Variants in ZNF277 observed in about 807,000 individuals in gnomAD.
The protein encoded by ZNF277 is zinc finger protein 277, also known as nuclear receptor-interacting factor 4.
Under a neutral mutation model 60.7 loss-of-function variants are expected in ZNF277, and 55 were observed. The observed-to-expected ratio is 0.91, with a 90% CI of 0.73 to 1.13. ZNF277 has a LOEUF of 1.13. Ranked by LOEUF, ZNF277 falls within the 50% of genes most tolerant of loss-of-function variation. ZNF277 has a pLI of 0.00. For missense variants in ZNF277, 510 were observed against 523.0 expected (o/e 0.98, Z 0.24); for synonymous variants, 178 against 179.3 (o/e 0.99, Z 0.06).
chr7:112,311,238 T>A (rs1430579093), intron 4 of ZNF277, among the ~76,000 whole-genome samples: 1 of 152,144 alleles, frequency 6.6e-6, no homozygotes, highest in African/African-American at 2.4e-5. Flanking sequence ...AGCTTATGAA[T>A]AAAGATGAAA....
At chr7:112,296,915 T>TTA in intron 4 of ZNF277, among the ~76,000 whole-genome samples, 1 of 49,704 alleles carries the variant, frequency 2.0e-5, no homozygotes, top group African/African-American at 6.9e-5. Flanking sequence ...TTTATTTATT[T>TTA]TTTTTTTTTT....
Position 112,309,186 on chromosome 7 carries a change from C to A in ZNF277, c.466-8996C>A, listed in dbSNP as rs1312822300. Among the ~76,000 whole-genome samples, 5 of 151,922 alleles carry A rather than the reference C, an allele frequency of 3.3e-5. 1 individual carries two copies. Among genetic ancestry groups the A allele is most frequent in the Admixed American group, 6.6e-5 (1 of 15,240 alleles). On this transcript the variant is annotated intron_variant, in intron 4 of 11. Transcript: ENST00000361822. ...GTTCTGAACCCCATCGCTGACTATG[C>A]AGTTTTTACAAGAGTCAACCCAAAT...
At chr7:112,309,453 G>T (rs1316867106) in intron 4 of ZNF277, among the ~76,000 whole-genome samples, 2 of 151,898 alleles carry the variant, frequency 1.3e-5, no homozygotes. Flanking sequence ...GAGACAAGAA[G>T]TATCTGTACT....
At chr7:112,288,370 C>G (rs1188605255) in intron 2 of ZNF277, 5 of 152,204 alleles carry the variant, frequency 3.3e-5, no homozygotes, top group Non-Finnish European at 7.3e-5. Flanking sequence ...AACTCTGTTT[C>G]TCCCAGGCCA....
At position 112,295,948 on chromosome 7, in the gene ZNF277, G is replaced by T. The variant is rs567027786; in HGVS notation, c.373G>T (p.Ala125Ser). 467 of 1,609,372 alleles carry T rather than the reference G, an allele frequency of 2.9e-4. 3 individuals are homozygous for T. In the South Asian group the frequency reaches 5.0e-3, roughly 17 times the overall value. ...FCSVIRINSTAPFEEQENYFL... is the reference protein window; with the variant it reads ...FCSVIRINSTSPFEEQENYFL... ...TAGTGTAATAAGAATTAATTCCACT[G>T]CTCCATTTGGTAAGTGTACATCTTG... Residue 125 changes from alanine to serine, a missense_variant, in exon 3 of 12, where the codon GCT (alanine) becomes TCT (serine). Physicochemically the swap from Ala to Ser is moderately conservative, Grantham distance 99. Coordinates refer to ENST00000361822, the MANE Select transcript of ZNF277 (RefSeq NM_021994.3).
chr7:112,308,978 G>A (rs1195072771), intron 4 of ZNF277, among the ~76,000 whole-genome samples: 2 of 151,986 alleles, frequency 1.3e-5, no homozygotes, highest in African/African-American at 2.4e-5. Context: ...ATATCTATTT[G>A]TTCAGATTCT....
chr7:112,291,716 C>T (rs1003729034), intron 2 of ZNF277, among the ~76,000 whole-genome samples: 12 of 152,022 alleles, frequency 7.9e-5, no homozygotes, highest in East Asian at 1.9e-4. Flanking sequence ...CCATACCATC[C>T]GAAAGGAAAT....
intron 5 of ZNF277, among the ~76,000 whole-genome samples, chr7:112,322,576 T>C (rs1203336563): frequency 1.3e-5 from 2 of 152,108 alleles, no homozygotes; most frequent in Admixed American, 6.5e-5. Context: ...ATAATTTATA[T>C]CTTTTTATTG....
intron 11 of ZNF277, among the ~76,000 whole-genome samples, chr7:112,342,238 C>T (rs915809237): frequency 3.9e-5 from 6 of 152,060 alleles, no homozygotes; most frequent in Admixed American, 6.6e-5. Flanking sequence ...CAGCTACCTT[C>T]GAAGATAGTG....
intron 1 of ZNF277, among the ~76,000 whole-genome samples, chr7:112,280,813 A>G (rs1013179212): frequency 2.6e-5 from 4 of 152,022 alleles, no homozygotes; most frequent in African/African-American, 9.7e-5. Context: ...TTTGTAGTGG[A>G]GATGGGGTTT....
At chr7:112,289,529 C>A (rs1163160449) in intron 2 of ZNF277, among the ~76,000 whole-genome samples, 1 of 152,194 alleles carries the variant, frequency 6.6e-6, no homozygotes, top group East Asian at 1.9e-4. Flanking sequence ...ATTCTTTATT[C>A]TCATTAAAAT....
rs141458057 is a variant in ZNF277, at chr7:112,309,482, C to T, written c.466-8700C>T. On this transcript the variant is annotated intron_variant, in intron 4 of 11. Transcript: ENST00000361822. ...CTGTACTGCATCATGACAATCCATA[C>T]CCCACCCCTCTGTACCGTTTTCACT... Among the ~76,000 whole-genome samples, 643 of 151,956 alleles carry T rather than the reference C, an allele frequency of 4.2e-3. 3 individuals are homozygous for T. Among genetic ancestry groups the T allele is most frequent in the African/African-American group, 0.015 (602 of 41,478 alleles).
intron 1 of ZNF277, among the ~76,000 whole-genome samples, chr7:112,271,069 C>A (rs1179890307): frequency 2.0e-5 from 3 of 152,030 alleles, no homozygotes; most frequent in Admixed American, 2.0e-4. Context: ...ATTAGGATGT[C>A]ATTTTCAGTA....
At position 112,261,949 on chromosome 7, in the gene ZNF277, T is replaced by C. The variant is rs142255866; in HGVS notation, c.92-24924T>C. Among the ~76,000 whole-genome samples the C allele has an allele frequency of 3.7e-3, 569 of 152,292 alleles. 2 individuals are homozygous for C. Among genetic ancestry groups the C allele is most frequent in the African/African-American group, 0.013 (530 of 41,580 alleles). ...CTAAACATTTCAGAATGGTTTAGTT[T>C]TTAAAGCACTTTGCCAAAGGTTTAG... On this transcript the variant is annotated intron_variant, in intron 1 of 11. Coordinates refer to ENST00000361822, the MANE Select transcript of ZNF277 (RefSeq NM_021994.3).
At chr7:112,334,967 A>G (rs529425396) in intron 7 of ZNF277, among the ~76,000 whole-genome samples, 3 of 152,254 alleles carry the variant, frequency 2.0e-5, no homozygotes, top group South Asian at 2.1e-4. Flanking sequence ...AACCATCTCT[A>G]ATGACATTAT....
chr7:112,270,784 T>G (rs562151688), intron 1 of ZNF277, among the ~76,000 whole-genome samples: 28 of 152,260 alleles, frequency 1.8e-4, no homozygotes, highest in Middle Eastern at 3.4e-3. Context: ...AGTGTCTATC[T>G]TCTTATACTA....
intron 4 of ZNF277, among the ~76,000 whole-genome samples, chr7:112,310,478 A>AGTGAGT (rs1554493411): frequency 8.0e-6 from 1 of 125,512 alleles, no homozygotes; most frequent in Non-Finnish European, 1.6e-5. Context: ...AGAGAGAGAG[A>AGTGAGT]GTGTGTGTGT....
chr7:112,266,294 T>C (rs1292367307), intron 1 of ZNF277, among the ~76,000 whole-genome samples: 2 of 152,000 alleles, frequency 1.3e-5, no homozygotes, highest in Non-Finnish European at 2.9e-5. Context: ...TTACAGGCAC[T>C]GGCCACCACA....
At chr7:112,210,465 G>GTTTTTTTTTTTTTT (rs66533644) in intron 1 of ZNF277, among the ~76,000 whole-genome samples, 1 of 132,684 alleles carries the variant, frequency 7.5e-6, no homozygotes. Flanking sequence ...TTTGTTTTTT[G>GTTTTTTTTTTTTTT]TTTTTTTTTT....
Sources: gnomAD v4.1 joint callset for allele counts (sites outside exome capture counted in the v4.1 genomes callset) on GRCh38, gnomAD v4.1.1 for gene constraint, MANE v1.5 for transcripts, NCBI Gene and HGNC (gene_info 2026-07-23, HGNC 2026-07-21) for gene names.